GIPC2: variants seen among roughly 807,000 people sequenced by gnomAD.
GIPC2 encodes the protein PDZ domain-containing protein GIPC2.
In GIPC2, 30 loss-of-function variants were observed where a neutral mutation model predicts 30.6. The ratio of observed to expected loss-of-function variants is 0.98; its 90% CI spans 0.73 to 1.33. The LOEUF is 1.33. Ranked by LOEUF, GIPC2 falls within the 40% of genes most tolerant of loss-of-function variation. The probability of loss-of-function intolerance (pLI) is 0.00; values close to 1 mark genes in which losing one functional copy is unlikely to be tolerated. For missense variants in GIPC2, 414 were observed against 390.3 expected (o/e 1.06, Z -0.51); for synonymous variants, 167 against 150.0 (o/e 1.11, Z -0.83).
intron 3 of GIPC2, among the ~76,000 whole-genome samples, chr1:78,101,419 G>C (rs2100392005): frequency 6.6e-6 from 1 of 152,270 alleles, no homozygotes; most frequent in African/African-American, 2.4e-5. Flanking sequence ...GTAGAATAGA[G>C]TTGAAAATAT....
intron 3 of GIPC2, among the ~76,000 whole-genome samples, chr1:78,100,932 A>AC (rs1662234619): frequency 8.4e-6 from 1 of 119,714 alleles, no homozygotes. Context: ...CCTGTCAAAA[A>AC]AAAAAAAATA....
intron 1 of GIPC2, among the ~76,000 whole-genome samples, chr1:78,065,040 C>T (rs1016725168): frequency 1.2e-4 from 19 of 152,046 alleles, no homozygotes; most frequent in Admixed American, 7.9e-4. Flanking sequence ...CCACTGTGCC[C>T]GGCCCTCACT....
rs976025425 is a variant in GIPC2 at position 78,137,082 on chromosome 1, A to G, written c.*1339A>G. The G allele has an allele frequency of 6.6e-6, 1 of 152,114 alleles. No individual in the cohort carries two copies. The highest frequency in any genetic ancestry group is 2.4e-5 in the African/African-American group (1 of 41,444). 9.4% of individuals were successfully genotyped at this position (152,114 alleles called of 1,614,324 possible). ...TGTATTGCCATCCACTCCTTTTTCA[A>G]ATGAGTTTAATGCCATAAAGCTGAT... is the stretch of plus-strand genomic sequence containing the variant. On this transcript the variant is annotated 3_prime_UTR_variant, in exon 6 of 6. Transcript: ENST00000370759.
chr1:78,057,410 T>G (rs1661316775), intron 1 of GIPC2, among the ~76,000 whole-genome samples: 1 of 152,184 alleles, frequency 6.6e-6, no homozygotes, highest in Admixed American at 6.5e-5. Context: ...GATGCATAAT[T>G]GTACATATTT....
chr1:78,104,698 C>T (rs1662311955), intron 3 of GIPC2, among the ~76,000 whole-genome samples: 1 of 152,038 alleles, frequency 6.6e-6, no homozygotes, highest in Admixed American at 6.6e-5. Context: ...AAATGTCACT[C>T]CCAAGATTTC....
At chr1:78,113,857 A>G (rs1571518370) in intron 3 of GIPC2, among the ~76,000 whole-genome samples, 1 of 143,532 alleles carries the variant, frequency 7.0e-6, no homozygotes, top group Non-Finnish European at 1.5e-5. Context: ...CATCTTGCCC[A>G]TACCTATTTT....
chr1:78,045,078 T>C, upstream of GIPC2: 1 of 983,640 alleles, frequency 1.0e-6, no homozygotes, highest in Non-Finnish European at 1.2e-6. Flanking sequence ...AAGAATGAAA[T>C]GGGCAACGCA....
At chr1:78,059,864 G>A (rs974321774) in intron 1 of GIPC2, among the ~76,000 whole-genome samples, 1 of 152,224 alleles carries the variant, frequency 6.6e-6, no homozygotes, top group Admixed American at 6.5e-5. Context: ...ATTTAAAACT[G>A]AAGTGCCAAT....
chr1:78,091,765 A>G, intron 2 of GIPC2: 2 of 776,532 alleles, frequency 2.6e-6, no homozygotes, highest in South Asian at 2.7e-5. Context: ...ACAAAGTAGC[A>G]CAGAAGAGGG....
At chr1:78,104,332 AACTCTTATTTTTC>A (rs1236494234) in intron 3 of GIPC2, among the ~76,000 whole-genome samples, 3 of 152,092 alleles carry the variant, frequency 2.0e-5, no homozygotes, top group Non-Finnish European at 4.4e-5. Flanking sequence ...GAGCTCTGAA[AACTCTTATTTTTC>A]AGAGCTCTTA....
intron 3 of GIPC2, among the ~76,000 whole-genome samples, chr1:78,108,479 G>A (rs1662402181): frequency 6.6e-6 from 1 of 152,182 alleles, no homozygotes; most frequent in Non-Finnish European, 1.5e-5. Context: ...TGTGCTTGTG[G>A]GGTTCATTCA....
At chr1:78,126,256 A>G (rs533257417) in intron 5 of GIPC2, among the ~76,000 whole-genome samples, 2 of 152,340 alleles carry the variant, frequency 1.3e-5, no homozygotes, top group African/African-American at 4.8e-5. Flanking sequence ...ACATAAAATG[A>G]ATTTTGTAGA....
chr1:78,134,495 G>C (rs115882936), intron 5 of GIPC2, among the ~76,000 whole-genome samples: 1,819 of 151,972 alleles, frequency 0.012, 40 homozygotes, highest in African/African-American at 0.042. Flanking sequence ...CCCATGCCAG[G>C]CTGCCTGGCC....
chr1:78,079,290 A>C (rs1032549262), intron 1 of GIPC2, among the ~76,000 whole-genome samples: 2 of 151,922 alleles, frequency 1.3e-5, no homozygotes, highest in African/African-American at 4.8e-5. Flanking sequence ...CTCCTTTAAC[A>C]CACCTCTGGG....
chr1:78,111,921 T>C (rs577446072), intron 3 of GIPC2, among the ~76,000 whole-genome samples: 124 of 152,328 alleles, frequency 8.1e-4, no homozygotes, highest in Non-Finnish European at 1.3e-3. Context: ...CAGTACAGAT[T>C]GAACCAAAAT....
intron 3 of GIPC2, among the ~76,000 whole-genome samples, chr1:78,117,784 A>G: frequency 6.6e-6 from 1 of 152,152 alleles, no homozygotes; most frequent in South Asian, 2.1e-4. Context: ...ATAAATTAGT[A>G]TCCTGTGGTT....
chr1:78,067,961 T>C (rs1208679136), intron 1 of GIPC2, among the ~76,000 whole-genome samples: 3 of 152,208 alleles, frequency 2.0e-5, no homozygotes, highest in Admixed American at 1.3e-4. Context: ...GATTATTTTA[T>C]AGTAACTAGC....
intron 1 of GIPC2, among the ~76,000 whole-genome samples, chr1:78,066,440 T>C (rs1319002782): frequency 2.0e-5 from 3 of 151,932 alleles, no homozygotes; most frequent in African/African-American, 7.3e-5. Flanking sequence ...TTGGTGGGAG[T>C]GTAAATTAGT....
intron 3 of GIPC2, among the ~76,000 whole-genome samples, chr1:78,111,516 A>C (rs1237383867): frequency 6.6e-6 from 1 of 152,166 alleles, no homozygotes; most frequent in Non-Finnish European, 1.5e-5. Context: ...TAAAGAAGAG[A>C]CCTTTGCCCC....
Sources: gnomAD v4.1 joint callset for allele counts (sites outside exome capture counted in the v4.1 genomes callset) on GRCh38, gnomAD v4.1.1 for gene constraint, MANE v1.5 for transcripts, NCBI Gene and HGNC (gene_info 2026-07-23, HGNC 2026-07-21) for gene names.